The following PSD3 variants were observed in gnomAD, a reference collection of about 807,000 sequenced individuals.
The protein encoded by PSD3 is PH and SEC7 domain-containing protein 3.
In PSD3, 49 loss-of-function variants were observed where a neutral mutation model predicts 105.5. The ratio of observed to expected loss-of-function variants is 0.46; its 90% confidence interval spans 0.37 to 0.59. PSD3 has a LOEUF of 0.59. PSD3 is among the 20% of genes least tolerant of loss of function. The pLI, the probability that PSD3 is intolerant of heterozygous loss-of-function variation, is 0.00. For missense variants in PSD3, 1,561 were observed against 1,263.8 expected (o/e 1.24, Z -3.57); for synonymous variants, 557 against 457.8 (o/e 1.22, Z -2.77).
chr8:18,991,373 T>TATAC (rs1239442597), intron 1 of PSD3, among the ~76,000 whole-genome samples: 1 of 100,008 alleles, frequency 1.0e-5, no homozygotes, highest in Non-Finnish European at 2.3e-5. Flanking sequence ...CACACACACA[T>TATAC]ACACACACAC....
At chr8:18,694,939 T>A (rs1177619991) in intron 9 of PSD3, among the ~76,000 whole-genome samples, 1 of 152,132 alleles carries the variant, frequency 6.6e-6, no homozygotes, top group African/African-American at 2.4e-5. Flanking sequence ...TACTAACTCT[T>A]AGATATTTAA....
intron 9 of PSD3, among the ~76,000 whole-genome samples, chr8:18,663,537 T>C (rs1487510971): frequency 6.6e-6 from 1 of 152,192 alleles, no homozygotes; most frequent in Non-Finnish European, 1.5e-5. Flanking sequence ...CATTCATTTA[T>C]TTATTTTGGG....
chr8:18,724,308 C>A (rs1166635540), intron 9 of PSD3, among the ~76,000 whole-genome samples: 3 of 152,134 alleles, frequency 2.0e-5, no homozygotes, highest in African/African-American at 7.2e-5. Context: ...AGCCAGAAAT[C>A]TCCTTAGAGT....
chr8:18,742,369 T>A (rs1018667590), intron 9 of PSD3, among the ~76,000 whole-genome samples: 1 of 152,156 alleles, frequency 6.6e-6, no homozygotes, highest in Admixed American at 6.6e-5. Flanking sequence ...TAAATTAGAA[T>A]GGTCAGGCTG....
intron 9 of PSD3, among the ~76,000 whole-genome samples, chr8:18,722,872 C>T (rs1803090417): frequency 7.0e-6 from 1 of 143,608 alleles, no homozygotes; most frequent in Non-Finnish European, 1.6e-5. Flanking sequence ...ATTTTCTGAA[C>T]TATTTCAGCA....
At chr8:18,815,056 T>A (rs1371306072) in intron 4 of PSD3, among the ~76,000 whole-genome samples, 3 of 152,162 alleles carry the variant, frequency 2.0e-5, no homozygotes, top group African/African-American at 7.2e-5. Flanking sequence ...AGTGCACAGG[T>A]AAAATATACT....
intron 8 of PSD3, among the ~76,000 whole-genome samples, chr8:18,781,718 G>T (rs1808643210): frequency 6.6e-6 from 1 of 152,098 alleles, no homozygotes; most frequent in Non-Finnish European, 1.5e-5. Context: ...AGATCTTCGA[G>T]CTTCCTATAT....
At chr8:18,679,090 A>T (rs138525759) in intron 9 of PSD3, among the ~76,000 whole-genome samples, 1 of 130,960 alleles carries the variant, frequency 7.6e-6, no homozygotes, top group African/African-American at 2.6e-5. Context: ...AAATAGGCAG[A>T]TATCAATGTC....
intron 4 of PSD3, among the ~76,000 whole-genome samples, chr8:18,819,575 A>ATTTTTTTTTTTTT (rs746931460): frequency 3.2e-4 from 36 of 111,306 alleles, no homozygotes; most frequent in East Asian, 2.0e-3. Flanking sequence ...ATTAGAATGG[A>ATTTTTTTTTTTTT]TTTTTTTTTT....
chr8:18,657,115 C>A (rs752803773), intron 9 of PSD3, among the ~76,000 whole-genome samples: 1 of 152,176 alleles, frequency 6.6e-6, no homozygotes, highest in African/African-American at 2.4e-5. Flanking sequence ...TGTCATCTAA[C>A]CTCTTGTCTT....
At chr8:18,711,376 G>A (rs375696060) in intron 9 of PSD3, among the ~76,000 whole-genome samples, 3 of 152,152 alleles carry the variant, frequency 2.0e-5, no homozygotes, top group Admixed American at 2.0e-4. Flanking sequence ...CCATTGCTGT[G>A]CTGTCTTCAA....
At chr8:18,716,339 A>G (rs1802594491) in intron 9 of PSD3, among the ~76,000 whole-genome samples, 1 of 152,184 alleles carries the variant, frequency 6.6e-6, no homozygotes, top group South Asian at 2.1e-4. Context: ...AGAGGGAAAT[A>G]TAGTTTTTAC....
At chr8:18,956,179 G>A (rs766234712) in intron 1 of PSD3, among the ~76,000 whole-genome samples, 18 of 152,230 alleles carry the variant, frequency 1.2e-4, no homozygotes, top group Non-Finnish European at 2.2e-4. Context: ...CACTGGAGAA[G>A]TGTAAAACAC....
At chr8:18,792,141 G>A (rs1002575152) in intron 8 of PSD3, among the ~76,000 whole-genome samples, 1 of 152,170 alleles carries the variant, frequency 6.6e-6, no homozygotes, top group South Asian at 2.1e-4. Context: ...TTTAATCATT[G>A]TGGAAGACAG....
rs376956586 is a variant in PSD3 at position 18,872,249 on chromosome 8, C to T, written c.615G>A (p.Thr205=). 47 of 1,614,070 alleles carry T rather than the reference C, an allele frequency of 2.9e-5. No individual in the cohort carries two copies. The Middle Eastern group carries it at 4.9e-4, about 17-fold the overall frequency. Residue 205 remains threonine (T), a synonymous_variant, in exon 3 of 16, where the codon ACG becomes ACA. Transcript: ENST00000327040. ...PEIPLSAEVT[T]EESFYLSIQK... Reference sequence around the variant, plus strand: ...GGATGCTCAAATAAAAACTTTCCTCCGTTGTTACTTCAGCTGAAAGAGGTA... The same window carrying T: ...GGATGCTCAAATAAAAACTTTCCTCTGTTGTTACTTCAGCTGAAAGAGGTA...
intron 9 of PSD3, among the ~76,000 whole-genome samples, chr8:18,677,918 G>T (rs986215025): frequency 6.6e-6 from 1 of 151,662 alleles, no homozygotes; most frequent in African/African-American, 2.4e-5. Flanking sequence ...GCTGAAGCAG[G>T]AGAGTGGTGT....
At chr8:18,903,861 A>C (rs1248733455) in intron 2 of PSD3, among the ~76,000 whole-genome samples, 3 of 152,018 alleles carry the variant, frequency 2.0e-5, no homozygotes, top group Admixed American at 6.6e-5. Flanking sequence ...GGAAGGTGTG[A>C]CTTCTCCGAG....
At chr8:18,537,774 T>A (rs966104740) in intron 15 of PSD3, among the ~76,000 whole-genome samples, 1 of 152,142 alleles carries the variant, frequency 6.6e-6, no homozygotes, top group African/African-American at 2.4e-5. Context: ...CCGCCTGGGT[T>A]CTAGCAATTC....
chr8:18,878,874 A>G lies in PSD3; in HGVS notation c.131-6141T>C, dbSNP rs28427221. On this transcript the variant is annotated intron_variant, in intron 2 of 15. Transcript: ENST00000327040. ...GTTTAACCCATCATGAAGTGTTTTA[A>G]GAAAATTGACCATAGTGACTGCTGA... Among the ~76,000 whole-genome samples, 829 of 152,314 alleles carry G rather than the reference A, an allele frequency of 5.4e-3. 4 individuals carry two copies. The highest frequency in any genetic ancestry group is 0.019 in the African/African-American group (787 of 41,572).
Sources: allele counts gnomAD v4.1 joint callset (sites outside exome capture counted in the v4.1 genomes callset), GRCh38; gene constraint gnomAD v4.1.1; transcripts MANE v1.5; gene names NCBI Gene and HGNC (gene_info 2026-07-23, HGNC 2026-07-21).